Variants in PRR5L observed in about 807,000 individuals in gnomAD.
PRR5L encodes the protein proline-rich protein 5-like.
A neutral mutation model predicts 36.4 loss-of-function variants in PRR5L; 21 were observed. That is an observed-to-expected ratio of 0.58 (90% confidence interval 0.41 to 0.83). The LOEUF (loss-of-function observed/expected upper bound fraction) is 0.83, where lower values mean the gene tolerates loss of function less well. Ranked by LOEUF, PRR5L falls within the 40% of genes least tolerant of loss-of-function variation. PRR5L has a pLI of 0.00. For synonymous variants in PRR5L, 188 were observed against 197.0 expected (o/e 0.95, Z 0.38); for missense variants, 381 against 473.3 (o/e 0.80, Z 1.81).
rs2133644681 is a variant in PRR5L at position 36,464,246 on chromosome 11, C to CAAAG, written c.*1512_*1515dup. On this transcript the variant is annotated 3_prime_UTR_variant, in exon 9 of 9. Transcript: ENST00000530639. ...CTTCCTGTTGGTATTTATGAAATCTCAAAGAGATGAGCCACCTTGGCTTCC... is the reference window on the plus strand; with the variant it reads ...CTTCCTGTTGGTATTTATGAAATCTCAAAGAAAGAGATGAGCCACCTTGGCTTCC... 6.6e-6 allele frequency: 1 copy of CAAAG among 152,212 alleles called. No homozygotes were observed. Among genetic ancestry groups the CAAAG allele is most frequent in the South Asian group, 2.1e-4 (1 of 4,816 alleles). 9.4% of individuals were successfully genotyped at this position (152,212 alleles called of 1,614,324 possible). A position where few individuals can be genotyped will look rare whatever the true frequency, so the allele number is the denominator to read the frequency against.
At chr11:36,342,338 C>T (rs928517117) in intron 1 of PRR5L, among the ~76,000 whole-genome samples, 16 of 151,968 alleles carry the variant, frequency 1.1e-4, no homozygotes, top group East Asian at 3.9e-4. Context: ...GTAGGGCAGA[C>T]GGGGGCGAAA....
At chr11:36,409,687 A>T (rs1857985226) in intron 3 of PRR5L, among the ~76,000 whole-genome samples, 1 of 152,226 alleles carries the variant, frequency 6.6e-6, no homozygotes, top group South Asian at 2.1e-4. Flanking sequence ...TGATGCCACG[A>T]GGTAATGATA....
chr11:36,369,974 G>C (rs900522257), intron 1 of PRR5L, among the ~76,000 whole-genome samples: 2 of 152,200 alleles, frequency 1.3e-5, no homozygotes, highest in African/African-American at 2.4e-5. Context: ...TTGCAATGGA[G>C]TGTCTTCCAT....
chr11:36,437,520 G>A (rs574148050), intron 6 of PRR5L, 44 bp downstream of exon 6: 3 of 1,264,082 alleles, frequency 2.4e-6, no homozygotes, highest in African/African-American at 3.0e-5. Flanking sequence ...TCAGCGATCT[G>A]TCTTCTCTCC....
In PRR5L at chr11:36,353,791, C is replaced by T. The variant is rs553688038; in HGVS notation, c.-125-47206C>T. Among the ~76,000 whole-genome samples, 9 of 152,228 alleles carry T rather than the reference C, an allele frequency of 5.9e-5. No homozygotes were observed. The South Asian group carries it at 1.9e-3, about 32-fold the overall frequency. On this transcript the variant is annotated intron_variant, in intron 1 of 8. Transcript: ENST00000530639. ...GCTCAGCTAGTAATGCTTGCTTGCC[C>T]ACCACTCACCTCCTGCTCTGTGGCC...
At chr11:36,305,704 G>A (rs116795901) in intron 1 of PRR5L, among the ~76,000 whole-genome samples, 1 of 152,092 alleles carries the variant, frequency 6.6e-6, no homozygotes, top group East Asian at 1.9e-4. Flanking sequence ...CCCTTCCATC[G>A]TGAGGATACA....
At chr11:36,314,647 G>A (rs544311024) in intron 1 of PRR5L, among the ~76,000 whole-genome samples, 1 of 152,112 alleles carries the variant, frequency 6.6e-6, no homozygotes, top group African/African-American at 2.4e-5. Flanking sequence ...TTTAGTAAGC[G>A]GAGCTGTTTA....
chr11:36,358,469 C>T lies in PRR5L; in HGVS notation c.-125-42528C>T, dbSNP rs114380473. On this transcript the variant is annotated intron_variant, in intron 1 of 8. Coordinates refer to ENST00000530639, the MANE Select transcript of PRR5L (RefSeq NM_001160167.2). ...CCTCAGATGATCAACATTTTTTAGCCGTATTTTTAAATTAAAGTATGTACA... is the reference window on the plus strand; with the variant it reads ...CCTCAGATGATCAACATTTTTTAGCTGTATTTTTAAATTAAAGTATGTACA... Among the ~76,000 whole-genome samples, 442 of 152,204 alleles carry T rather than the reference C, an allele frequency of 2.9e-3. 5 individuals carry two copies. Among genetic ancestry groups the T allele is most frequent in the African/African-American group, 0.01 (417 of 41,538 alleles).
intron 4 of PRR5L, among the ~76,000 whole-genome samples, chr11:36,421,711 T>C (rs553825654): frequency 1.7e-4 from 26 of 152,264 alleles, no homozygotes; most frequent in African/African-American, 6.3e-4. Flanking sequence ...CTGAAATGAT[T>C]TTAGGCGATG....
At chr11:36,397,872 C>T (rs573285650) in intron 1 of PRR5L, among the ~76,000 whole-genome samples, 93 of 151,890 alleles carry the variant, frequency 6.1e-4, no homozygotes, top group African/African-American at 1.1e-3. Flanking sequence ...CTCGGATCAC[C>T]GCAACCTCTG....
At chr11:36,317,328 C>T (rs1856567532) in intron 1 of PRR5L, among the ~76,000 whole-genome samples, 1 of 152,216 alleles carries the variant, frequency 6.6e-6, no homozygotes, top group South Asian at 2.1e-4. Context: ...GCAAGTTATT[C>T]TGCCTCTCTG....
At chr11:36,430,004 G>C (rs953713607) in intron 4 of PRR5L, among the ~76,000 whole-genome samples, 4 of 151,722 alleles carry the variant, frequency 2.6e-5, no homozygotes, top group Non-Finnish European at 5.9e-5. Context: ...TATTGCCTGT[G>C]TGTTTCACAA....
chr11:36,424,638 A>G (rs554951414), intron 4 of PRR5L, among the ~76,000 whole-genome samples: 1 of 152,298 alleles, frequency 6.6e-6, no homozygotes, highest in East Asian at 1.9e-4. Flanking sequence ...AGCTATAAGG[A>G]GAACAGAATT....
intron 5 of PRR5L, among the ~76,000 whole-genome samples, chr11:36,435,603 A>T (rs1426581773): frequency 1.3e-5 from 2 of 152,208 alleles, no homozygotes; most frequent in Non-Finnish European, 2.9e-5. Context: ...GGTGACTGAA[A>T]GAGGGATGAT....
chr11:36,454,992 C>A (rs948178101), intron 8 of PRR5L, among the ~76,000 whole-genome samples: 1 of 152,204 alleles, frequency 6.6e-6, no homozygotes, highest in Non-Finnish European at 1.5e-5. Flanking sequence ...CTTTCAAGTC[C>A]CCGAAGTCTC....
chr11:36,451,325 G>A lies in PRR5L; in HGVS notation c.702G>A (p.Thr234=), dbSNP rs142844497. Residue 234 remains threonine (T), a synonymous_variant, in exon 8 of 9, where the codon ACG becomes ACA. Coordinates refer to ENST00000530639, the MANE Select transcript of PRR5L (RefSeq NM_001160167.2). ...GGGACCGTAGCTTCTCAGGCCCCAC[G>A]TACACGCTGGGTAAGGAGTGCAGCT... ...ISGDRSFSGP[T]YTLARRHSRV... is the part of the protein sequence containing the mutation. 66 of 1,614,000 alleles carry A rather than the reference G, an allele frequency of 4.1e-5. No individual in the cohort carries two copies. Among genetic ancestry groups the A allele is most frequent in the African/African-American group, 3.6e-4 (27 of 74,930 alleles).
At chr11:36,403,046 GCAGGGCCGC>G (rs1374298834) in intron 2 of PRR5L, among the ~76,000 whole-genome samples, 2 of 152,234 alleles carry the variant, frequency 1.3e-5, no homozygotes, top group Non-Finnish European at 2.9e-5. Flanking sequence ...GGCTGCACCA[GCAGGGCCGC>G]CAGCGAGGTG....
At chr11:36,338,376 T>G (rs889905505) in intron 1 of PRR5L, among the ~76,000 whole-genome samples, 1 of 152,224 alleles carries the variant, frequency 6.6e-6, no homozygotes, top group Admixed American at 6.5e-5. Context: ...ACATCCAAGC[T>G]GTAATTTTGT....
chr11:36,312,152 C>A (rs1042546388), intron 1 of PRR5L, among the ~76,000 whole-genome samples: 1 of 152,010 alleles, frequency 6.6e-6, no homozygotes, highest in Non-Finnish European at 1.5e-5. Flanking sequence ...TACTGAATAC[C>A]GTTTTTTGAG....
Sources: gnomAD v4.1 joint callset for allele counts (sites outside exome capture counted in the v4.1 genomes callset) on GRCh38, gnomAD v4.1.1 for gene constraint, MANE v1.5 for transcripts, NCBI Gene and HGNC (gene_info 2026-07-23, HGNC 2026-07-21) for gene names.